SCFD2: variants seen among roughly 807,000 people sequenced by gnomAD.
SCFD2 encodes the protein sec1 family domain containing 2, also known as sec1 family domain-containing protein 2.
In SCFD2, 54 loss-of-function variants were observed where a neutral mutation model predicts 58.9. The ratio of observed to expected loss-of-function variants is 0.92; its 90% CI spans 0.74 to 1.15. SCFD2 has a LOEUF of 1.15. Among genes scored for constraint, SCFD2 ranks in the 50% most tolerant of loss-of-function variants. SCFD2 has a pLI of 0.00. For synonymous variants in SCFD2, 321 were observed against 335.9 expected, an observed-to-expected ratio of 0.96 and a Z score of 0.49; for missense variants, 805 against 836.6, an observed-to-expected ratio of 0.96 and a Z score of 0.47.
chr4:53,217,410 C>T (rs1197065019), intron 4 of SCFD2, among the ~76,000 whole-genome samples: 1 of 151,628 alleles, frequency 6.6e-6, no homozygotes, highest in East Asian at 1.9e-4. Context: ...ATGGCCTTGT[C>T]TCTTTTGATC....
intron 5 of SCFD2, among the ~76,000 whole-genome samples, chr4:52,981,910 G>A (rs1560501052): frequency 6.6e-6 from 1 of 152,202 alleles, no homozygotes; most frequent in Non-Finnish European, 1.5e-5. Context: ...GGTTCTTACA[G>A]TGTGCAGACA....
chr4:53,059,560 G>A (rs74617927), intron 5 of SCFD2, among the ~76,000 whole-genome samples: 1,620 of 152,104 alleles, frequency 0.011, 28 homozygotes, highest in African/African-American at 0.037. Flanking sequence ...GCAGAGCCTG[G>A]TTTAGTGATA....
intron 5 of SCFD2, among the ~76,000 whole-genome samples, chr4:53,008,594 G>T (rs1414258997): frequency 6.6e-6 from 1 of 152,190 alleles, no homozygotes; most frequent in African/African-American, 2.4e-5. Flanking sequence ...GCTCAGTGAG[G>T]TGGGGAAGAG....
At chr4:53,234,959 G>T (rs1400108843) in intron 4 of SCFD2, among the ~76,000 whole-genome samples, 10 of 152,238 alleles carry the variant, frequency 6.6e-5, no homozygotes, top group African/African-American at 2.4e-4. Context: ...CCACCATCAT[G>T]AGATAACCGA....
chr4:52,914,063 A>C (rs1441867121), intron 6 of SCFD2, among the ~76,000 whole-genome samples: 1 of 152,232 alleles, frequency 6.6e-6, no homozygotes, highest in African/African-American at 2.4e-5. Flanking sequence ...TGTAGGTAAA[A>C]GATTATTAAA....
intron 7 of SCFD2, among the ~76,000 whole-genome samples, chr4:52,904,885 A>T (rs1250749482): frequency 6.6e-6 from 1 of 152,202 alleles, no homozygotes; most frequent in African/African-American, 2.4e-5. Context: ...GTAAGACCCA[A>T]TCCCAGCCTT....
chr4:53,006,995 T>A (rs1721982413), intron 5 of SCFD2, among the ~76,000 whole-genome samples: 1 of 151,898 alleles, frequency 6.6e-6, no homozygotes, highest in East Asian at 1.9e-4. Context: ...TAAAATGAAA[T>A]ATGGGCTGGG....
chr4:53,249,474 T>C (rs926140128), intron 4 of SCFD2, among the ~76,000 whole-genome samples: 1 of 152,084 alleles, frequency 6.6e-6, no homozygotes, highest in African/African-American at 2.4e-5. Context: ...AGATAATCCT[T>C]GAGAAGAGCA....
intron 5 of SCFD2, among the ~76,000 whole-genome samples, chr4:52,997,036 T>C (rs11943964): frequency 0.22 from 33,576 of 152,154 alleles, 3,910 homozygotes; most frequent in Middle Eastern, 0.3. Flanking sequence ...TCCAAACGTT[T>C]AACCCTTATC....
intron 4 of SCFD2, among the ~76,000 whole-genome samples, chr4:53,236,672 C>G (rs902573387): frequency 6.7e-6 from 1 of 149,284 alleles, no homozygotes; most frequent in African/African-American, 2.5e-5. Flanking sequence ...AAAATGAGTT[C>G]TATGCAAAAC....
At chr4:52,875,935 T>C (rs1282555356) in intron 8 of SCFD2, among the ~76,000 whole-genome samples, 4 of 149,182 alleles carry the variant, frequency 2.7e-5, no homozygotes, top group Non-Finnish European at 5.9e-5. Flanking sequence ...TTGAAAATCA[T>C]GCAAGGAGCC....
chr4:53,131,729 T>A (rs1230127303), intron 5 of SCFD2, among the ~76,000 whole-genome samples: 2 of 152,192 alleles, frequency 1.3e-5, no homozygotes, highest in African/African-American at 4.8e-5. Flanking sequence ...AAATTCGGCC[T>A]CCTCCCCGCT....
chr4:52,947,024 T>C (rs1279594635), intron 5 of SCFD2, among the ~76,000 whole-genome samples: 4 of 152,124 alleles, frequency 2.6e-5, no homozygotes, highest in African/African-American at 9.7e-5. Flanking sequence ...GCGCTTTCAT[T>C]CAGGCCATCT....
intron 4 of SCFD2, among the ~76,000 whole-genome samples, chr4:53,166,887 A>G (rs996382773): frequency 1.3e-5 from 2 of 151,972 alleles, no homozygotes; most frequent in African/African-American, 4.8e-5. Context: ...CTAGGTCCAC[A>G]TAACAAGATA....
chr4:52,992,917 G>C (rs1044390370), intron 5 of SCFD2, among the ~76,000 whole-genome samples: 1 of 152,240 alleles, frequency 6.6e-6, no homozygotes, highest in Admixed American at 6.5e-5. Flanking sequence ...CATTGAGAAC[G>C]GGCCATGATG....
At chr4:53,304,428 A>T (rs1355538303) in intron 3 of SCFD2, among the ~76,000 whole-genome samples, 1 of 152,094 alleles carries the variant, frequency 6.6e-6, no homozygotes, top group Non-Finnish European at 1.5e-5. Flanking sequence ...GTGTTTTCCA[A>T]CTTGGTTCCA....
intron 5 of SCFD2, among the ~76,000 whole-genome samples, chr4:53,072,523 A>C (rs1308209164): frequency 6.6e-6 from 1 of 152,010 alleles, no homozygotes; most frequent in Non-Finnish European, 1.5e-5. Context: ...CAGTGAAGAA[A>C]CAGGCAACAT....
At chr4:53,198,199 G>A (rs1156390608) in intron 4 of SCFD2, among the ~76,000 whole-genome samples, 2 of 151,880 alleles carry the variant, frequency 1.3e-5, no homozygotes, top group Admixed American at 1.3e-4. Flanking sequence ...AAAGCCTTAA[G>A]GTCACTAAAC....
chr4:53,000,181 A>G (rs1450392919), intron 5 of SCFD2, among the ~76,000 whole-genome samples: 1 of 152,182 alleles, frequency 6.6e-6, no homozygotes, highest in Non-Finnish European at 1.5e-5. Context: ...TCCCTTTGGT[A>G]TCCAGTCTGA....
Sources: allele counts gnomAD v4.1 joint callset (sites outside exome capture counted in the v4.1 genomes callset), GRCh38; gene constraint gnomAD v4.1.1; transcripts MANE v1.5; gene names NCBI Gene and HGNC (gene_info 2026-07-23, HGNC 2026-07-21).